Variants in LCE2C observed in about 807,000 individuals in gnomAD.
LCE2C encodes the protein late cornified envelope protein 2C.
For missense variants in LCE2C, 179 were observed against 141.3 expected (o/e 1.27, Z -1.35); for synonymous variants, 57 against 51.0 (o/e 1.12, Z -0.50).
chr1:152,676,269 G>C lies in LCE2C; in HGVS notation c.254G>C (p.Arg85Pro). The change falls in exon 2 of 2, where the codon CGG becomes CCG. Residue 85 changes from arginine to proline, a missense_variant. Transcript: ENST00000368783. ...AGGCCCCGTCTCTTCCACCGGCGCC[G>C]GCACCAGAGCCCCGACTGCTGTGAG... ...HHRPRLFHRR[R>P]HQSPDCCESE... 1.9e-6 allele frequency: 3 copies of C among 1,613,868 alleles called. No homozygotes were observed. Among genetic ancestry groups the C allele is most frequent in the Non-Finnish European group, 2.5e-6 (3 of 1,179,986 alleles).
rs757983368 is a variant in LCE2C at position 152,676,114 on chromosome 1, A to G, written c.99A>G (p.Pro33=). 3 of 1,614,048 alleles carry G rather than the reference A, an allele frequency of 1.9e-6. No individual in the cohort carries two copies. The highest frequency in any genetic ancestry group is 2.2e-5 in the East Asian group (1 of 44,874). The change falls in exon 2 of 2, where the codon CCA becomes CCG. Residue 33 remains proline, a synonymous_variant. Coordinates refer to ENST00000368783, the MANE Select transcript of LCE2C (RefSeq NM_178429.5). ...KCPPKCPPKC[P]PQCPAPCFPA... is the part of the protein sequence containing the mutation. ...CACCTAAGTGTCCCCCCAAATGCCC[A>G]CCACAGTGCCCAGCTCCATGTTTCC...
Position 152,676,438 on chromosome 1 carries a change from A to G in LCE2C, c.*90A>G. 3.3e-6 allele frequency: 5 copies of G among 1,510,460 alleles called. No homozygotes were observed. The highest frequency in any genetic ancestry group is 2.3e-5 in the East Asian group (1 of 43,986). The allele number at this position is 1,510,460 out of a possible 1,614,324, so 93.6% of individuals were successfully genotyped here. ...CTTTCCACTTCCTCTCATTCCATTC[A>G]TTGGTTGGCAGAGACCACAAAGACT... On this transcript the variant is annotated 3_prime_UTR_variant, in exon 2 of 2. Coordinates refer to ENST00000368783, the MANE Select transcript of LCE2C (RefSeq NM_178429.5).
At chr1:152,675,820 A>AT (rs1363350287) in intron 1 of LCE2C, among the ~76,000 whole-genome samples, 175 bp from the exon 2 acceptor site, 1 of 152,114 alleles carries the variant, frequency 6.6e-6, no homozygotes, top group Admixed American at 6.5e-5. Flanking sequence ...CATTCTGTTG[A>AT]TTTTTTATCT....
Position 152,676,075 on chromosome 1 carries a change from T to C in LCE2C, c.60T>C (p.Cys20=). Residue 20 remains cysteine (C), a synonymous_variant, in exon 2 of 2, where the codon TGT becomes TGC. Coordinates refer to ENST00000368783, the MANE Select transcript of LCE2C (RefSeq NM_178429.5). ...CQPPPKCPPK[C]TPKCPPKCPP... ...CCCCTCCCAAGTGTCCTCCCAAGTG[T>C]ACCCCAAAATGTCCACCTAAGTGTC... The C allele has an allele frequency of 1.2e-6, 2 of 1,614,152 alleles. No individual in the cohort carries two copies. Among genetic ancestry groups the C allele is most frequent in the South Asian group, 1.1e-5 (1 of 91,066 alleles).
chr1:152,676,068 C>T lies in LCE2C; in HGVS notation c.53C>T (p.Pro18Leu). 1.2e-6 allele frequency: 2 copies of T among 1,614,190 alleles called. No homozygotes were observed. The highest frequency in any genetic ancestry group is 8.5e-7 in the Non-Finnish European group (1 of 1,180,028). The change falls in exon 2 of 2, where the codon CCC (proline) becomes CTC (leucine). Residue 18 changes from proline (P) to leucine (L), a missense_variant. Transcript: ENST00000368783. The part of the protein sequence containing the change: ...QQCQPPPKCP[P>L]KCTPKCPPKC... ...TGCCAGCCCCCTCCCAAGTGTCCTC[C>T]CAAGTGTACCCCAAAATGTCCACCT...
At position 152,676,163 on chromosome 1, in the gene LCE2C, C is replaced by T; in HGVS notation, c.148C>T (p.Pro50Ser). 1 of 1,613,926 alleles carries T rather than the reference C, an allele frequency of 6.2e-7. No individual in the cohort carries two copies. Among genetic ancestry groups the T allele is most frequent in the Non-Finnish European group, 8.5e-7 (1 of 1,179,898 alleles). ...CCCTGCAGTCTCTTCTTGCTGTGGT[C>T]CCAGCTCTGGGAGCTGCTGTGGTCC... ...CFPAVSSCCGPSSGSCCGPSS... is the reference protein window; with the variant it reads ...CFPAVSSCCGSSSGSCCGPSS... The change falls in exon 2 of 2, where the codon CCC (proline) becomes TCC (serine). Residue 50 changes from proline (P) to serine (S), a missense_variant. Pro to Ser is a moderately conservative substitution (Grantham distance 74). Transcript: ENST00000368783.
Position 152,676,401 on chromosome 1 carries a change from C to T in LCE2C, c.*53C>T. Reference sequence around the variant, plus strand: ...TGAATGGCCAAGAACCTGCTACGGCCTGATGGATACTCTTTCCACTTCCTC... The same window carrying T: ...TGAATGGCCAAGAACCTGCTACGGCTTGATGGATACTCTTTCCACTTCCTC... On this transcript the variant is annotated 3_prime_UTR_variant, in exon 2 of 2. Coordinates refer to ENST00000368783, the MANE Select transcript of LCE2C (RefSeq NM_178429.5). 1.9e-6 allele frequency: 3 copies of T among 1,538,814 alleles called. No homozygotes were observed. Among genetic ancestry groups the T allele is most frequent in the Non-Finnish European group, 2.6e-6 (3 of 1,146,720 alleles).
At position 152,676,111 on chromosome 1, in the gene LCE2C, C is replaced by A. The variant is rs4119577; in HGVS notation, c.96C>A (p.Cys32Ter). 9.9e-6 allele frequency: 16 copies of A among 1,614,200 alleles called. No individual in the cohort carries two copies. The highest frequency in any genetic ancestry group is 1.4e-5 in the Non-Finnish European group (16 of 1,180,044). Residue 32 changes from cysteine to a stop codon, truncating the protein, a stop_gained, in exon 2 of 2, where the codon TGC becomes TGA. Transcript: ENST00000368783. LOFTEE classifies it low-confidence loss of function (END_TRUNC). The stretch of plus-strand genomic sequence containing the variant: ...GTCCACCTAAGTGTCCCCCCAAATG[C>A]CCACCACAGTGCCCAGCTCCATGTT... ...PKCPPKCPPKCPPQCPAPCFP... is the reference protein window; with the variant it reads ...PKCPPKCPPK
At position 152,676,502 on chromosome 1, in the gene LCE2C, C is replaced by T; in HGVS notation, c.*154C>T. The T allele has an allele frequency of 9.9e-7, 1 of 1,012,794 alleles. No individual in the cohort carries two copies. The highest frequency in any genetic ancestry group is 1.4e-6 in the Non-Finnish European group (1 of 702,370). The allele number at this position is 1,012,794 out of a possible 1,614,324, so 62.7% of individuals were successfully genotyped here. ...TGGAAGAACTTCGTGCTTGATGTAA[C>T]ACCCCAATTGCAAGTCTTCTTTTCC... On this transcript the variant is annotated 3_prime_UTR_variant, in exon 2 of 2. Transcript: ENST00000368783.
At chr1:152,675,948 T>C (rs1011304623) in intron 1 of LCE2C, 47 bp from the exon 2 acceptor site, 23 of 1,573,708 alleles carry the variant, frequency 1.5e-5, no homozygotes, top group Non-Finnish European at 1.9e-5. Context: ...AGGTATAATA[T>C]GATCCTTGGT....
Position 152,676,049 on chromosome 1 carries a change from C to A in LCE2C, c.34C>A (p.Pro12Thr), listed in dbSNP as rs753419389. 1.2e-6 allele frequency: 2 copies of A among 1,614,170 alleles called. No individual in the cohort carries two copies. The highest frequency in any genetic ancestry group is 1.7e-6 in the Non-Finnish European group (2 of 1,180,032). The change falls in exon 2 of 2, where the codon CCC becomes ACC. Residue 12 changes from proline to threonine, a missense_variant. Physicochemically the swap from Pro to Thr is conservative, Grantham distance 38. Transcript: ENST00000368783. ...SCQQNQQQCQ[P>T]PPKCPPKCTP... is the part of the protein sequence containing the mutation. ...CCAGCAAAACCAGCAGCAGTGCCAGCCCCCTCCCAAGTGTCCTCCCAAGTG... is the reference window on the plus strand; with the variant it reads ...CCAGCAAAACCAGCAGCAGTGCCAGACCCCTCCCAAGTGTCCTCCCAAGTG...
At position 152,676,433 on chromosome 1, in the gene LCE2C, C is replaced by G. The variant is rs1256121103; in HGVS notation, c.*85C>G. ...ATACTCTTTCCACTTCCTCTCATTC[C>G]ATTCATTGGTTGGCAGAGACCACAA... is the stretch of plus-strand genomic sequence containing the variant. On this transcript the variant is annotated 3_prime_UTR_variant, in exon 2 of 2. Coordinates refer to ENST00000368783, the MANE Select transcript of LCE2C (RefSeq NM_178429.5). 6.6e-7 allele frequency: 1 copy of G among 1,513,668 alleles called. No homozygotes were observed. Among genetic ancestry groups the G allele is most frequent in the East Asian group, 2.3e-5 (1 of 44,066 alleles). 93.8% of individuals were successfully genotyped at this position (1,513,668 alleles called of 1,614,324 possible). A position where few individuals can be genotyped will look rare whatever the true frequency, so the allele number is the denominator to read the frequency against.
intron 1 of LCE2C, among the ~76,000 whole-genome samples, chr1:152,675,620 C>T (rs1443952715): frequency 6.6e-6 from 1 of 152,180 alleles, no homozygotes; most frequent in Non-Finnish European, 1.5e-5. Flanking sequence ...TACTTCAAGC[C>T]AGGCTCTTTT....
rs1648839215 is a variant in LCE2C at position 152,676,074 on chromosome 1, G to T, written c.59G>T (p.Cys20Phe). Residue 20 changes from cysteine to phenylalanine, a missense_variant, in exon 2 of 2, where the codon TGT (cysteine) becomes TTT (phenylalanine). Transcript: ENST00000368783. ...CCCCCTCCCAAGTGTCCTCCCAAGT[G>T]TACCCCAAAATGTCCACCTAAGTGT... ...CQPPPKCPPK[C>F]TPKCPPKCPP... is the part of the protein sequence containing the mutation. The T allele has an allele frequency of 6.2e-7, 1 of 1,614,018 alleles. No individual in the cohort carries two copies. Among genetic ancestry groups the T allele is most frequent in the Non-Finnish European group, 8.5e-7 (1 of 1,180,030 alleles).
In LCE2C at chr1:152,676,382, G is replaced by T; in HGVS notation, c.*34G>T. 1.3e-6 allele frequency: 2 copies of T among 1,568,518 alleles called. No individual in the cohort carries two copies. The highest frequency in any genetic ancestry group is 1.7e-6 in the Non-Finnish European group (2 of 1,161,384). On this transcript the variant is annotated 3_prime_UTR_variant, in exon 2 of 2. Transcript: ENST00000368783. ...ACAGAAGAGCTCTTGGGACTGAATG[G>T]CCAAGAACCTGCTACGGCCTGATGG...
rs1648849294 is a variant in LCE2C at position 152,676,278 on chromosome 1, GC to G, written c.267del (p.Asp90ThrfsTer71). 1 of 1,613,746 alleles carries G rather than the reference GC, an allele frequency of 6.2e-7. No individual in the cohort carries two copies. ...CTCTTCCACCGGCGCCGGCACCAGAGCCCCGACTGCTGTGAGAGTGAACCTT... is the reference window on the plus strand; with the variant it reads ...CTCTTCCACCGGCGCCGGCACCAGAGCCCGACTGCTGTGAGAGTGAACCTT... ...PRLFHRRRHQ[S>X]PDCCESEPSG... is the part of the protein sequence containing the mutation. On this transcript the variant is annotated frameshift_variant, in exon 2 of 2. Transcript: ENST00000368783. LOFTEE classifies it low-confidence loss of function (END_TRUNC).
rs1266672759 is a variant in LCE2C at position 152,676,190 on chromosome 1, A to G, written c.175A>G (p.Ser59Gly). The change falls in exon 2 of 2, where the codon AGC (serine) becomes GGC (glycine). Residue 59 changes from serine to glycine, a missense_variant. Physicochemically the swap from Ser to Gly is moderately conservative, Grantham distance 56 (BLOSUM62 0). Coordinates refer to ENST00000368783, the MANE Select transcript of LCE2C (RefSeq NM_178429.5). The part of the protein sequence containing the change: ...GPSSGSCCGP[S>G]SGGCCSSGAG... ...CAGCTCTGGGAGCTGCTGTGGTCCC[A>G]GCTCTGGGGGCTGCTGCAGCTCTGG... is the stretch of plus-strand genomic sequence containing the variant. The G allele has an allele frequency of 1.2e-6, 2 of 1,614,076 alleles. No homozygotes were observed. Among genetic ancestry groups the G allele is most frequent in the East Asian group, 2.2e-5 (1 of 44,860 alleles).
Position 152,676,073 on chromosome 1 carries a change from T to C in LCE2C, c.58T>C (p.Cys20Arg). Residue 20 changes from cysteine (C) to arginine (R), a missense_variant, in exon 2 of 2, where the codon TGT becomes CGT. Cys to Arg is a radical substitution (Grantham distance 180). Transcript: ENST00000368783. ...GCCCCCTCCCAAGTGTCCTCCCAAG[T>C]GTACCCCAAAATGTCCACCTAAGTG... Reference protein sequence around the residue: ...CQPPPKCPPKCTPKCPPKCPP... With the variant: ...CQPPPKCPPKRTPKCPPKCPP... 1 of 1,614,156 alleles carries C rather than the reference T, an allele frequency of 6.2e-7. No homozygotes were observed. Among genetic ancestry groups the C allele is most frequent in the Non-Finnish European group, 8.5e-7 (1 of 1,180,024 alleles).
At position 152,676,302 on chromosome 1, in the gene LCE2C, C is replaced by G; in HGVS notation, c.287C>G (p.Pro96Arg). The part of the protein sequence containing the change: ...HQSPDCCESE[P>R]SGGSGCCHSS... ...AGCCCCGACTGCTGTGAGAGTGAAC[C>G]TTCTGGGGGCTCTGGCTGCTGCCAC... Residue 96 changes from proline (P) to arginine (R), a missense_variant, in exon 2 of 2, where the codon CCT becomes CGT. Coordinates refer to ENST00000368783, the MANE Select transcript of LCE2C (RefSeq NM_178429.5). 6.2e-7 allele frequency: 1 copy of G among 1,613,476 alleles called. No individual in the cohort carries two copies. The highest frequency in any genetic ancestry group is 8.5e-7 in the Non-Finnish European group (1 of 1,179,704).
Sources: gnomAD v4.1 joint callset for allele counts (sites outside exome capture counted in the v4.1 genomes callset) on GRCh38, gnomAD v4.1.1 for gene constraint, MANE v1.5 for transcripts, NCBI Gene and HGNC (gene_info 2026-07-23, HGNC 2026-07-21) for gene names.